SEC24D: variants seen among roughly 807,000 people sequenced by gnomAD.
The protein encoded by SEC24D is protein transport protein Sec24D.
In SEC24D, 69 loss-of-function variants were observed where a neutral mutation model predicts 116.9. That is an observed-to-expected ratio of 0.59 (90% CI 0.49 to 0.72). The LOEUF (loss-of-function observed/expected upper bound fraction) is 0.72, where lower values mean the gene tolerates loss of function less well. Among genes scored for constraint, SEC24D ranks in the 30% least tolerant of loss-of-function variants. SEC24D has a pLI of 0.00. For synonymous variants in SEC24D, 405 were observed against 442.8 expected (o/e 0.91, Z 1.07); for missense variants, 1,131 against 1,264.1 (o/e 0.89, Z 1.60).
chr4:118,814,942 G>A, intron 6 of SEC24D, 86 bp downstream of exon 6: 1 of 1,439,288 alleles, frequency 6.9e-7, no homozygotes, highest in Non-Finnish European at 9.6e-7. Flanking sequence ...CTAATGAACA[G>A]GATAAATGCT....
intron 8 of SEC24D, among the ~76,000 whole-genome samples, chr4:118,782,487 G>A (rs2110488132): frequency 6.6e-6 from 1 of 152,234 alleles, no homozygotes; most frequent in South Asian, 2.1e-4. Flanking sequence ...TCGTCCCAGG[G>A]GGCACCCACC....
At chr4:118,780,907 CTTTT>C (rs143712578) in intron 8 of SEC24D, among the ~76,000 whole-genome samples, 47 of 61,874 alleles carry the variant, frequency 7.6e-4, no homozygotes, top group African/African-American at 2.4e-3. Flanking sequence ...GCAACCCCTG[CTTTT>C]TTTTTTTTTT....
At chr4:118,774,033 TGTTA>T (rs1307801368) in intron 8 of SEC24D, among the ~76,000 whole-genome samples, 1 of 152,012 alleles carries the variant, frequency 6.6e-6, no homozygotes, top group East Asian at 1.9e-4. Context: ...TAATACATTG[TGTTA>T]GTTCTAAGAC....
chr4:118,742,882 G>A (rs1229219811), intron 15 of SEC24D, among the ~76,000 whole-genome samples: 1 of 152,120 alleles, frequency 6.6e-6, no homozygotes, highest in Non-Finnish European at 1.5e-5. Flanking sequence ...CCTCTTCTGG[G>A]TCCTCTCCAT....
At chr4:118,731,597 C>T in intron 20 of SEC24D, 90 bp from the exon 21 acceptor site, 3 of 1,027,982 alleles carry the variant, frequency 2.9e-6, no homozygotes, top group East Asian at 2.4e-5. Context: ...CCTCCCTCCC[C>T]TCCCTCAATG....
At chr4:118,811,867 A>G (rs761931728) in intron 6 of SEC24D, among the ~76,000 whole-genome samples, 4 of 152,236 alleles carry the variant, frequency 2.6e-5, no homozygotes, top group African/African-American at 9.6e-5. Flanking sequence ...AAATTCAAAT[A>G]TAGAATAAGT....
intron 11 of SEC24D, among the ~76,000 whole-genome samples, chr4:118,755,464 CAAA>C (rs34008479): frequency 8.2e-5 from 7 of 85,072 alleles, no homozygotes; most frequent in African/African-American, 1.6e-4. Flanking sequence ...AACAAACAGA[CAAA>C]AAAAAAAAAA....
At chr4:118,824,113 T>A (rs1034970216) in intron 3 of SEC24D, among the ~76,000 whole-genome samples, 23 of 152,324 alleles carry the variant, frequency 1.5e-4, no homozygotes, top group African/African-American at 5.5e-4. Flanking sequence ...GATACATTTT[T>A]AAATACCTAC....
At chr4:118,725,334 A>G (rs965943849) in intron 22 of SEC24D, among the ~76,000 whole-genome samples, 4 of 152,188 alleles carry the variant, frequency 2.6e-5, no homozygotes, top group Non-Finnish European at 5.9e-5. Context: ...AAGAAGTTTA[A>G]GATTTGCCTC....
intron 8 of SEC24D, among the ~76,000 whole-genome samples, chr4:118,796,452 C>T (rs1196563298): frequency 1.3e-5 from 2 of 152,158 alleles, no homozygotes; most frequent in South Asian, 2.1e-4. Flanking sequence ...CCATACCACA[C>T]GTAAGTTTGG....
chr4:118,727,275 A>G (rs1392295256), intron 22 of SEC24D, among the ~76,000 whole-genome samples: 1 of 152,232 alleles, frequency 6.6e-6, no homozygotes, highest in Non-Finnish European at 1.5e-5. Context: ...TTCTTTAAGT[A>G]TTCAAGCTAA....
At position 118,784,084 on chromosome 4, in the gene SEC24D, G is replaced by A. The variant is rs927299284; in HGVS notation, c.1041+13599C>T. Among the ~76,000 whole-genome samples, 9 of 152,184 alleles carry A rather than the reference G, an allele frequency of 5.9e-5. No individual in the cohort carries two copies. In the South Asian group the frequency reaches 8.3e-4, roughly 14 times the overall value. ...GGTGACTAACCATCCCCTGTGCTCC[G>A]ACTGGGCTACTTCCAGTAATACAGC... On this transcript the variant is annotated intron_variant, in intron 8 of 22. Transcript: ENST00000280551.
At chr4:118,806,624 C>G (rs1729690492) in intron 6 of SEC24D, among the ~76,000 whole-genome samples, 1 of 151,464 alleles carries the variant, frequency 6.6e-6, no homozygotes, top group Non-Finnish European at 1.5e-5. Context: ...TGAGCCACTG[C>G]ACCTGGCCAG....
chr4:118,750,311 T>G (rs1578397854), intron 13 of SEC24D, among the ~76,000 whole-genome samples: 1 of 152,194 alleles, frequency 6.6e-6, no homozygotes, highest in African/African-American at 2.4e-5. Flanking sequence ...GCTTTATATA[T>G]TTTTTCTTTC....
chr4:118,789,235 A>G (rs961633369), intron 8 of SEC24D, among the ~76,000 whole-genome samples: 1 of 152,254 alleles, frequency 6.6e-6, no homozygotes. Context: ...ATAAGCTGCT[A>G]TCTTCCTAAA....
intron 8 of SEC24D, 27 bp from the exon 9 acceptor site, chr4:118,768,338 G>C (rs1280737207): frequency 1.3e-6 from 2 of 1,590,124 alleles, no homozygotes; most frequent in Non-Finnish European, 1.7e-6. Context: ...AAAATTAAAT[G>C]AACAGGTGAG....
intron 6 of SEC24D, among the ~76,000 whole-genome samples, chr4:118,810,073 G>GGTGTGT (rs1560736678): frequency 4.2e-5 from 2 of 47,832 alleles, no homozygotes; most frequent in African/African-American, 2.0e-4. Flanking sequence ...GTCAGAGGTA[G>GGTGTGT]CTGTGTGTGT....
intron 6 of SEC24D, among the ~76,000 whole-genome samples, chr4:118,811,428 C>A (rs1334665502): frequency 1.3e-5 from 2 of 152,214 alleles, no homozygotes; most frequent in African/African-American, 4.8e-5. Flanking sequence ...GGGACAAACA[C>A]CAGTCTAAGT....
chr4:118,742,916 G>A (rs1037625663), intron 15 of SEC24D, among the ~76,000 whole-genome samples: 1 of 152,130 alleles, frequency 6.6e-6, no homozygotes, highest in Non-Finnish European at 1.5e-5. Context: ...GCCTGCAGGA[G>A]GCACATATTT....
Sources: gnomAD v4.1 joint callset for allele counts (sites outside exome capture counted in the v4.1 genomes callset) on GRCh38, gnomAD v4.1.1 for gene constraint, MANE v1.5 for transcripts, NCBI Gene and HGNC (gene_info 2026-07-23, HGNC 2026-07-21) for gene names.